ITGB3: variants seen among roughly 807,000 people sequenced by gnomAD.
ITGB3 encodes the protein integrin beta-3.
A neutral mutation model predicts 85.8 loss-of-function variants in ITGB3; 48 were observed. That is an observed-to-expected ratio of 0.56 (90% confidence interval 0.44 to 0.71). The LOEUF is 0.71. Among genes scored for constraint, ITGB3 ranks in the 30% least tolerant of loss-of-function variants. ITGB3 has a pLI of 0.00. For synonymous variants in ITGB3, 363 were observed against 395.6 expected (o/e 0.92, Z 0.98); for missense variants, 861 against 1,019.1 (o/e 0.84, Z 2.11).
chr17:47,275,289 T>C (rs746400024), intron 2 of ITGB3, among the ~76,000 whole-genome samples: 11 of 152,060 alleles, frequency 7.2e-5, no homozygotes, highest in Admixed American at 4.6e-4. Flanking sequence ...GTTAGTTGTG[T>C]CTAGGCAGAG....
intron 3 of ITGB3, 107 bp downstream of exon 3, chr17:47,283,656 G>C: frequency 9.2e-7 from 1 of 1,091,346 alleles, no homozygotes; most frequent in Non-Finnish European, 1.4e-6. Flanking sequence ...AATGGAAATG[G>C]GGTGGGAAGA....
intron 6 of ITGB3, among the ~76,000 whole-genome samples, chr17:47,288,625 G>A (rs542396946): frequency 6.6e-6 from 1 of 152,226 alleles, no homozygotes; most frequent in African/African-American, 2.4e-5. Flanking sequence ...CCATGGACAT[G>A]TTCACGATTC....
intron 6 of ITGB3, among the ~76,000 whole-genome samples, chr17:47,288,230 GA>G (rs2065111236): frequency 7.0e-6 from 1 of 142,912 alleles, no homozygotes; most frequent in African/African-American, 2.9e-5. Flanking sequence ...GAGAGAGAGA[GA>G]GAGAGAGAGA....
intron 14 of ITGB3, 33 bp downstream of exon 14, chr17:47,307,670 A>G (rs777347553): frequency 6.2e-7 from 1 of 1,606,622 alleles, no homozygotes; most frequent in East Asian, 2.2e-5. Flanking sequence ...TTCTAAAGTC[A>G]TTGGTCTGAG....
chr17:47,284,339 G>A, intron 3 of ITGB3, 104 bp from the exon 4 acceptor site: 1 of 1,375,606 alleles, frequency 7.3e-7, no homozygotes, highest in Non-Finnish European at 1.0e-6. Context: ...GGGCTTTCTG[G>A]TTTGCTTTGA....
intron 8 of ITGB3, among the ~76,000 whole-genome samples, chr17:47,290,602 T>C (rs933058014): frequency 3.3e-5 from 5 of 151,950 alleles, no homozygotes; most frequent in African/African-American, 1.2e-4. Context: ...AGCTGAGACA[T>C]GGGGAAGGTG....
intron 12 of ITGB3, 119 bp downstream of exon 12, chr17:47,300,697 G>A: frequency 1.3e-6 from 1 of 763,128 alleles, no homozygotes; most frequent in Non-Finnish European, 2.3e-6. Context: ...CTCAGGGAAT[G>A]TTGTGCAGGC....
chr17:47,291,490 C>T (rs2065125454), intron 9 of ITGB3: 1 of 378,720 alleles, frequency 2.6e-6, no homozygotes, highest in Admixed American at 4.4e-5. Context: ...GTAAAACACT[C>T]CAGTCTCTCC....
At chr17:47,260,235 T>C (rs1051377379) in intron 1 of ITGB3, among the ~76,000 whole-genome samples, 4 of 152,202 alleles carry the variant, frequency 2.6e-5, no homozygotes, top group African/African-American at 9.6e-5. Flanking sequence ...TGGGTGACTT[T>C]GAACAAGTGA....
At chr17:47,255,221 C>T (rs760141556) in intron 1 of ITGB3, among the ~76,000 whole-genome samples, 2 of 152,046 alleles carry the variant, frequency 1.3e-5, no homozygotes, top group Non-Finnish European at 2.9e-5. Flanking sequence ...TCAAGTGATC[C>T]GCCCACCTCA....
chr17:47,270,542 A>C (rs1468485734), intron 1 of ITGB3, among the ~76,000 whole-genome samples: 1 of 152,264 alleles, frequency 6.6e-6, no homozygotes, highest in African/African-American at 2.4e-5. Context: ...TTCTGAAACT[A>C]GCAGCCACTT....
intron 1 of ITGB3, among the ~76,000 whole-genome samples, chr17:47,261,620 A>G (rs942344281): frequency 6.6e-6 from 1 of 151,642 alleles, no homozygotes; most frequent in African/African-American, 2.4e-5. Flanking sequence ...CCTGGGTTCA[A>G]GCAATTCTCC....
chr17:47,286,125 G>A, intron 4 of ITGB3, 135 bp from the exon 5 acceptor site: 1 of 985,428 alleles, frequency 1.0e-6, no homozygotes, highest in South Asian at 1.3e-5. Flanking sequence ...AGTCTGAACT[G>A]TCTGGGTAAC....
chr17:47,284,577 A>G lies in ITGB3; in HGVS notation c.496A>G (p.Thr166Ala). ...CCAGAACCTGGGTACCAAGCTGGCCACCCAGATGCGAAAGCTCACCAGTAA... is the reference window on the plus strand; with the variant it reads ...CCAGAACCTGGGTACCAAGCTGGCCGCCCAGATGCGAAAGCTCACCAGTAA... Reference protein sequence around the residue: ...SIQNLGTKLATQMRKLTSNLR... With the variant: ...SIQNLGTKLAAQMRKLTSNLR... The change falls in exon 4 of 15, where the codon ACC becomes GCC. Residue 166 changes from threonine (T) to alanine (A), a missense_variant. By Grantham distance (58) the Thr-to-Ala change is moderately conservative. Transcript: ENST00000559488. 2 of 1,614,094 alleles carry G rather than the reference A, an allele frequency of 1.2e-6. No individual in the cohort carries two copies. Among genetic ancestry groups the G allele is most frequent in the Middle Eastern group, 1.6e-4 (1 of 6,062 alleles).
In ITGB3 at chr17:47,312,263, T is replaced by C. The variant is rs371411493; in HGVS notation, c.*2059T>C. On this transcript the variant is annotated 3_prime_UTR_variant, in exon 15 of 15. Coordinates refer to ENST00000559488, the MANE Select transcript of ITGB3 (RefSeq NM_000212.3). Reference sequence around the variant, plus strand: ...ATATTAGGGAAGAGGAATCCATAAGTAGCTGAAATATCTATTCTGTATTAT... The same window carrying C: ...ATATTAGGGAAGAGGAATCCATAAGCAGCTGAAATATCTATTCTGTATTAT... 2.6e-5 allele frequency among the ~76,000 whole-genome samples: 4 copies of C among 152,364 alleles called. No homozygotes were observed. In the East Asian group the frequency reaches 5.8e-4, roughly 22 times the overall value.
intron 1 of ITGB3, among the ~76,000 whole-genome samples, chr17:47,265,428 TCCTC>T (rs2065021871): frequency 6.6e-6 from 1 of 152,224 alleles, no homozygotes; most frequent in African/African-American, 2.4e-5. Context: ...GTAGAATCCT[TCCTC>T]CTTCCTATCT....
intron 13 of ITGB3, among the ~76,000 whole-genome samples, chr17:47,303,206 C>A (rs559036084): frequency 1.3e-5 from 2 of 152,070 alleles, no homozygotes; most frequent in South Asian, 4.2e-4. Flanking sequence ...GCTGAGATCG[C>A]GCCACTGCAC....
chr17:47,257,033 C>A (rs1389462373), intron 1 of ITGB3, among the ~76,000 whole-genome samples: 1 of 152,148 alleles, frequency 6.6e-6, no homozygotes, highest in Non-Finnish European at 1.5e-5. Context: ...TCTCTTGAGT[C>A]CTCAGTTTCC....
chr17:47,283,287 C>T, intron 2 of ITGB3, 67 bp from the exon 3 acceptor site: 1 of 1,481,516 alleles, frequency 6.7e-7, no homozygotes, highest in Non-Finnish European at 9.4e-7. Flanking sequence ...AGTGGTAGGG[C>T]CTGCAGGAGG....
Sources: gnomAD v4.1 joint callset for allele counts (sites outside exome capture counted in the v4.1 genomes callset) on GRCh38, gnomAD v4.1.1 for gene constraint, MANE v1.5 for transcripts, NCBI Gene and HGNC (gene_info 2026-07-23, HGNC 2026-07-21) for gene names.